TRPC4: variants seen among roughly 807,000 people sequenced by gnomAD.
TRPC4 encodes the protein transient receptor potential cation channel subfamily C member 4.
In TRPC4, 49 loss-of-function variants were observed where a neutral mutation model predicts 99.4. The observed-to-expected ratio is 0.49, with a 90% CI of 0.39 to 0.63. TRPC4 has a LOEUF of 0.63. TRPC4 is among the 20% of genes least tolerant of loss of function. The pLI, the probability that TRPC4 is intolerant of heterozygous loss-of-function variation, is 0.00. For synonymous variants in TRPC4, 454 were observed against 425.9 expected, an observed-to-expected ratio of 1.07 and a Z score of -0.81; for missense variants, 898 against 1,152.9, an observed-to-expected ratio of 0.78 and a Z score of 3.20.
chr13:37,827,760 C>G, intron 1 of TRPC4, among the ~76,000 whole-genome samples: 1 of 151,990 alleles, frequency 6.6e-6, no homozygotes, highest in African/African-American at 2.4e-5. Context: ...GTGGAGCCTA[C>G]AGAGGCAGGC....
intron 6 of TRPC4, among the ~76,000 whole-genome samples, chr13:37,660,288 T>C (rs1593454607): frequency 6.6e-6 from 1 of 152,018 alleles, no homozygotes; most frequent in East Asian, 1.9e-4. Context: ...TTTCCAGAAA[T>C]GGAAGTGTTA....
chr13:37,869,147 T>C (rs1959988263), intron 1 of TRPC4, among the ~76,000 whole-genome samples: 3 of 152,112 alleles, frequency 2.0e-5, no homozygotes, highest in South Asian at 2.1e-4. Context: ...TACCCTACTT[T>C]AAGTGCCGGA....
intron 5 of TRPC4, among the ~76,000 whole-genome samples, chr13:37,668,258 T>C (rs1952714134): frequency 6.6e-6 from 1 of 152,246 alleles, no homozygotes; most frequent in Admixed American, 6.5e-5. Context: ...CCTTTATTTC[T>C]ATTCAGATTC....
At chr13:37,654,667 C>T (rs1052200787) in intron 7 of TRPC4, among the ~76,000 whole-genome samples, 2 of 152,136 alleles carry the variant, frequency 1.3e-5, no homozygotes, top group East Asian at 3.9e-4. Flanking sequence ...GTGGCTTCTC[C>T]CCTTCCCAGA....
intron 3 of TRPC4, among the ~76,000 whole-genome samples, chr13:37,745,455 TATATATATATATATATATAC>T (rs1243198891): frequency 0.23 from 1,602 of 6,956 alleles, 53 homozygotes; most frequent in African/African-American, 0.32. Context: ...TATATATATA[TATATATATATATATATATAC>T]ACACACACAC....
intron 8 of TRPC4, among the ~76,000 whole-genome samples, chr13:37,643,539 G>A (rs1951786652): frequency 1.3e-5 from 2 of 152,198 alleles, no homozygotes; most frequent in Non-Finnish European, 2.9e-5. Context: ...AGGACAAGGG[G>A]AGGTGCACAG....
At chr13:37,732,162 T>A (rs1156468971) in intron 3 of TRPC4, among the ~76,000 whole-genome samples, 1 of 151,908 alleles carries the variant, frequency 6.6e-6, no homozygotes, top group African/African-American at 2.4e-5. Flanking sequence ...GAGCTCAGAG[T>A]CTCATGAAGG....
intron 1 of TRPC4, among the ~76,000 whole-genome samples, chr13:37,814,344 A>G (rs1957784894): frequency 6.6e-6 from 1 of 151,652 alleles, no homozygotes. Context: ...GGTAAGGGAA[A>G]AAAAAGGTAT....
chr13:37,802,087 A>G (rs1416219331), intron 1 of TRPC4, among the ~76,000 whole-genome samples: 4 of 152,124 alleles, frequency 2.6e-5, no homozygotes, highest in Non-Finnish European at 5.9e-5. Context: ...ACTGGGTTTA[A>G]AATACTTTCA....
intron 1 of TRPC4, among the ~76,000 whole-genome samples, chr13:37,863,504 C>G (rs901008609): frequency 1.3e-5 from 2 of 151,400 alleles, no homozygotes; most frequent in African/African-American, 4.8e-5. Context: ...ATATTGGGCT[C>G]TAGATAAAAT....
chr13:37,711,922 A>G (rs1248108126), intron 3 of TRPC4, among the ~76,000 whole-genome samples: 1 of 152,104 alleles, frequency 6.6e-6, no homozygotes, highest in East Asian at 1.9e-4. Context: ...AGTAGGATAT[A>G]AGCAATATAA....
chr13:37,691,143 C>T (rs1953686380), intron 4 of TRPC4, among the ~76,000 whole-genome samples: 1 of 152,066 alleles, frequency 6.6e-6, no homozygotes, highest in Non-Finnish European at 1.5e-5. Context: ...ACTCTGTCGC[C>T]CAGGCTGGAC....
At chr13:37,733,237 C>T (rs755799329) in intron 3 of TRPC4, among the ~76,000 whole-genome samples, 17 of 152,108 alleles carry the variant, frequency 1.1e-4, no homozygotes, top group South Asian at 2.1e-4. Context: ...AGCACCAATG[C>T]GCTCCAGCTT....
rs112201653 is a variant in TRPC4, at chr13:37,639,637, A to G, written c.2080-338T>C. On this transcript the variant is annotated intron_variant, in intron 8 of 10. Transcript: ENST00000379705. ...TAAGAGAAAGAGATAGGACATATCA[A>G]ATAAAAATTTAAAAGTTTTCATAAA... 3.3e-5 allele frequency among the ~76,000 whole-genome samples: 5 copies of G among 152,120 alleles called. 1 individual carries two copies. The highest frequency in any genetic ancestry group is 1.2e-4 in the African/African-American group (5 of 41,516).
chr13:37,696,904 T>C (rs1247636167), intron 3 of TRPC4, among the ~76,000 whole-genome samples: 2 of 149,956 alleles, frequency 1.3e-5, no homozygotes, highest in East Asian at 3.9e-4. Flanking sequence ...ACTTTTTCCA[T>C]AGCTGAAACA....
intron 8 of TRPC4, among the ~76,000 whole-genome samples, chr13:37,641,374 G>A (rs1161882831): frequency 2.6e-5 from 4 of 152,090 alleles, no homozygotes; most frequent in African/African-American, 7.2e-5. Flanking sequence ...GCGATTCATT[G>A]TTTTTGCCAA....
intron 3 of TRPC4, among the ~76,000 whole-genome samples, chr13:37,702,589 G>C (rs547339242): frequency 5.3e-5 from 8 of 152,058 alleles, no homozygotes; most frequent in Non-Finnish European, 1.0e-4. Flanking sequence ...TTAGATCCCT[G>C]TCTTCCAACT....
At chr13:37,756,602 G>A (rs1468574995) in intron 2 of TRPC4, among the ~76,000 whole-genome samples, 1 of 146,184 alleles carries the variant, frequency 6.8e-6, no homozygotes, top group Non-Finnish European at 1.5e-5. Flanking sequence ...GCATGATCTT[G>A]GCTCACTGCA....
At chr13:37,660,888 C>A (rs559188556) in intron 6 of TRPC4, among the ~76,000 whole-genome samples, 22 of 152,114 alleles carry the variant, frequency 1.4e-4, no homozygotes, top group Non-Finnish European at 2.6e-4. Flanking sequence ...CACTATATAC[C>A]CTGTGACAAT....
Sources: gnomAD v4.1 joint callset for allele counts (sites outside exome capture counted in the v4.1 genomes callset) on GRCh38, gnomAD v4.1.1 for gene constraint, MANE v1.5 for transcripts, NCBI Gene and HGNC (gene_info 2026-07-23, HGNC 2026-07-21) for gene names.